The following GPHN variants were observed in gnomAD, a reference collection of about 807,000 sequenced individuals.
GPHN encodes gephyrin.
A neutral mutation model predicts 95.5 loss-of-function variants in GPHN; 17 were observed. The observed-to-expected ratio is 0.18, with a 90% CI of 0.12 to 0.27. The LOEUF is 0.27. Ranked by LOEUF, GPHN falls within the 10% of genes least tolerant of loss-of-function variation. The pLI is 1.00. For missense variants in GPHN, 660 were observed against 978.1 expected (o/e 0.67, Z 4.34); for synonymous variants, 320 against 322.5 (o/e 0.99, Z 0.08).
chr14:66,644,873 GTAA>G (rs1566753113), intron 1 of GPHN, among the ~76,000 whole-genome samples: 1 of 152,044 alleles, frequency 6.6e-6, no homozygotes, highest in Non-Finnish European at 1.5e-5. Flanking sequence ...TATTTAAATA[GTAA>G]TAATTTTTAG....
intron 1 of GPHN, among the ~76,000 whole-genome samples, chr14:66,648,578 C>T (rs1480266753): frequency 6.6e-6 from 1 of 152,036 alleles, no homozygotes; most frequent in African/African-American, 2.4e-5. Flanking sequence ...AGGTTTGTAG[C>T]CTAGGATCAA....
chr14:67,279,266 C>T, the GPHN span: 4 of 1,613,856 alleles, frequency 2.5e-6, no homozygotes, highest in Non-Finnish European at 3.4e-6. Context: ...ATCAGAAGCA[C>T]CGAGAGATGG....
intron 1 of GPHN, among the ~76,000 whole-genome samples, chr14:66,570,764 T>C (rs1315143367): frequency 3.9e-5 from 6 of 152,202 alleles, no homozygotes; most frequent in Admixed American, 6.5e-5. Flanking sequence ...TTTCTTCTCA[T>C]CCTCATTTAC....
chr14:66,678,497 T>G (rs1434452357), intron 1 of GPHN, among the ~76,000 whole-genome samples: 2 of 151,990 alleles, frequency 1.3e-5, no homozygotes, highest in Non-Finnish European at 2.9e-5. Context: ...TTTTTCTGAT[T>G]TATGTATATT....
chr14:67,317,485 T>C, the GPHN span: 1 of 1,590,228 alleles, frequency 6.3e-7, no homozygotes, highest in South Asian at 1.1e-5. Context: ...TGATGGTAAG[T>C]TCTACTCTCA....
At chr14:67,058,966 A>G (rs553936681) in intron 11 of GPHN, 180 bp downstream of exon 11, 61 of 620,636 alleles carry the variant, frequency 9.8e-5, no homozygotes, top group African/African-American at 9.2e-4. Context: ...TTCAGCCTTA[A>G]CAGTATACAG....
chr14:66,791,823 A>G (rs1032731716), intron 3 of GPHN, among the ~76,000 whole-genome samples: 7 of 152,158 alleles, frequency 4.6e-5, no homozygotes, highest in African/African-American at 1.7e-4. Context: ...GAGTAAGTGT[A>G]TTAGTCCATT....
At chr14:66,855,374 A>T (rs1049154587) in intron 4 of GPHN, among the ~76,000 whole-genome samples, 1 of 152,128 alleles carries the variant, frequency 6.6e-6, no homozygotes, top group African/African-American at 2.4e-5. Flanking sequence ...AAGTGCAGCC[A>T]CACAATAATT....
chr14:67,474,946 C>G, the GPHN span, among the ~76,000 whole-genome samples: 1 of 133,686 alleles, frequency 7.5e-6, no homozygotes, highest in East Asian at 2.1e-4. Context: ...GACGGAGTCT[C>G]GCTCTGTCGT....
intron 16 of GPHN, among the ~76,000 whole-genome samples, chr14:67,115,362 C>T (rs2078618699): frequency 1.3e-5 from 2 of 152,212 alleles, no homozygotes; most frequent in South Asian, 2.1e-4. Flanking sequence ...AGAAATTGCA[C>T]TTAATGTAGC....
chr14:67,690,007 C>G, the GPHN span: 1 of 554,838 alleles, frequency 1.8e-6, no homozygotes, highest in Non-Finnish European at 3.2e-6. Context: ...TAAAGCCAGG[C>G]CTTCAGACTC....
At chr14:67,695,840 T>C in the GPHN span, 1 of 771,120 alleles carries the variant, frequency 1.3e-6, no homozygotes, top group South Asian at 1.8e-5. Flanking sequence ...GTCCAGAGCT[T>C]GACAGCCTCA....
chr14:67,429,539 C>T, the GPHN span, among the ~76,000 whole-genome samples: 1 of 150,616 alleles, frequency 6.6e-6, no homozygotes, highest in Non-Finnish European at 1.5e-5. Context: ...AGTTTGAGAC[C>T]AGCCTGGCCA....
At chr14:66,853,627 G>A (rs560965166) in intron 4 of GPHN, among the ~76,000 whole-genome samples, 1 of 152,264 alleles carries the variant, frequency 6.6e-6, no homozygotes, top group Non-Finnish European at 1.5e-5. Context: ...AAGAACCAAT[G>A]GGGGAAGCAC....
intron 9 of GPHN, among the ~76,000 whole-genome samples, chr14:67,013,206 C>G (rs1046704785): frequency 6.6e-6 from 1 of 151,456 alleles, no homozygotes; most frequent in African/African-American, 2.4e-5. Flanking sequence ...ATAGTATTAT[C>G]TTGATTTTTG....
At chr14:66,684,832 T>C (rs2067236517) in intron 2 of GPHN, among the ~76,000 whole-genome samples, 1 of 152,150 alleles carries the variant, frequency 6.6e-6, no homozygotes, top group African/African-American at 2.4e-5. Context: ...ACATGTGCCA[T>C]GTTGGTGTGC....
At chr14:67,690,528 C>G in the GPHN span, 1 of 882,902 alleles carries the variant, frequency 1.1e-6, no homozygotes, top group Admixed American at 2.3e-5. Context: ...GAAATAAGGT[C>G]TTTCCCTCCA....
intron 1 of GPHN, among the ~76,000 whole-genome samples, chr14:66,659,279 T>C (rs1041859985): frequency 1.3e-5 from 2 of 152,120 alleles, no homozygotes; most frequent in Non-Finnish European, 2.9e-5. Flanking sequence ...GGTATGTTTC[T>C]GTTGTTTCCA....
the GPHN span, among the ~76,000 whole-genome samples, chr14:67,679,431 T>C: frequency 1.1e-3 from 157 of 145,402 alleles, no homozygotes; most frequent in Non-Finnish European, 2.0e-3. Flanking sequence ...GGAGGCGGAG[T>C]CTCACTCTGT....
Sources: gnomAD v4.1 joint callset for allele counts (sites outside exome capture counted in the v4.1 genomes callset) on GRCh38, gnomAD v4.1.1 for gene constraint, MANE v1.5 for transcripts, NCBI Gene and HGNC (gene_info 2026-07-23, HGNC 2026-07-21) for gene names.